The following SEMA3A variants were observed in gnomAD, a reference collection of about 807,000 sequenced individuals.
SEMA3A encodes the protein semaphorin-3A.
SEMA3A carries 29 observed loss-of-function variants against 97.9 expected under a neutral mutation model. That is an observed-to-expected ratio of 0.30 (90% CI 0.22 to 0.40). The LOEUF is 0.40. Among genes scored for constraint, SEMA3A ranks in the 10% least tolerant of loss-of-function variants. The probability of loss-of-function intolerance (pLI) is 1.00; values close to 1 mark genes in which losing one functional copy is unlikely to be tolerated. For synonymous variants in SEMA3A, 321 were observed against 323.7 expected (o/e 0.99, Z 0.09); for missense variants, 763 against 951.3 (o/e 0.80, Z 2.60).
At chr7:84,050,709 T>C (rs1792588831) in intron 5 of SEMA3A, among the ~76,000 whole-genome samples, 1 of 152,246 alleles carries the variant, frequency 6.6e-6, no homozygotes, top group Non-Finnish European at 1.5e-5. Context: ...AGCTCTTTAG[T>C]TTAATTAGAT....
At chr7:84,486,782 A>C (rs987807774) in intron 1 of SEMA3A, among the ~76,000 whole-genome samples, 1 of 152,178 alleles carries the variant, frequency 6.6e-6, no homozygotes, top group African/African-American at 2.4e-5. Flanking sequence ...TCGCATAGTT[A>C]ATAGCATTTA....
At chr7:84,331,002 T>C (rs1411072765) in intron 2 of SEMA3A, among the ~76,000 whole-genome samples, 2 of 152,150 alleles carry the variant, frequency 1.3e-5, no homozygotes, top group African/African-American at 4.8e-5. Context: ...TTAGGTTTTA[T>C]AGATCAAAGT....
At chr7:84,166,569 CAA>C (rs34318470) in intron 1 of SEMA3A, among the ~76,000 whole-genome samples, 1,855 of 133,246 alleles carry the variant, frequency 0.014, 33 homozygotes, top group African/African-American at 0.037. Flanking sequence ...AAAACTCCGT[CAA>C]AAAAAAAAAA....
intron 3 of SEMA3A, among the ~76,000 whole-genome samples, chr7:84,297,244 T>G (rs1800895420): frequency 6.6e-6 from 1 of 152,324 alleles, no homozygotes; most frequent in African/African-American, 2.4e-5. Context: ...CCCAAAGTTC[T>G]GGGATTACAG....
chr7:84,274,260 T>C (rs1423105141), intron 3 of SEMA3A, among the ~76,000 whole-genome samples: 1 of 152,122 alleles, frequency 6.6e-6, no homozygotes, highest in Non-Finnish European at 1.5e-5. Flanking sequence ...CAGGCCACTC[T>C]AACTTGACTT....
At chr7:84,134,393 G>A (rs1316254316) in intron 2 of SEMA3A, among the ~76,000 whole-genome samples, 1 of 152,156 alleles carries the variant, frequency 6.6e-6, no homozygotes, top group Non-Finnish European at 1.5e-5. Context: ...TGCCAAATTA[G>A]GCATGTGGGT....
intron 1 of SEMA3A, among the ~76,000 whole-genome samples, chr7:84,464,573 C>T (rs1208797135): frequency 6.6e-6 from 1 of 152,182 alleles, no homozygotes; most frequent in Non-Finnish European, 1.5e-5. Context: ...GCAAGAAATA[C>T]ATCACTTGGA....
At chr7:84,396,062 A>C (rs1385196237) in intron 1 of SEMA3A, among the ~76,000 whole-genome samples, 4 of 152,116 alleles carry the variant, frequency 2.6e-5, no homozygotes, top group African/African-American at 4.8e-5. Context: ...TAAAAATATC[A>C]AATACTGGTT....
chr7:83,971,177 C>A (rs1007962409), intron 15 of SEMA3A, among the ~76,000 whole-genome samples: 5 of 152,190 alleles, frequency 3.3e-5, no homozygotes, highest in African/African-American at 1.2e-4. Flanking sequence ...GTAACTCCAG[C>A]ACTTTGGGAG....
At chr7:84,214,041 T>G (rs1434613313) in intron 3 of SEMA3A, among the ~76,000 whole-genome samples, 1 of 152,234 alleles carries the variant, frequency 6.6e-6, no homozygotes, top group Non-Finnish European at 1.5e-5. Context: ...TGTTTCTCAT[T>G]GTACCTTAAG....
chr7:84,205,612 T>C, intron 3 of SEMA3A, among the ~76,000 whole-genome samples: 1 of 152,306 alleles, frequency 6.6e-6, no homozygotes, highest in East Asian at 1.9e-4. Context: ...AGTATAAAGT[T>C]AAGCATGAAA....
intron 2 of SEMA3A, among the ~76,000 whole-genome samples, chr7:84,310,641 G>A (rs1358809757): frequency 3.3e-5 from 5 of 151,956 alleles, no homozygotes; most frequent in African/African-American, 4.8e-5. Context: ...TTACGGGGCC[G>A]TACTAAGAAC....
At chr7:84,290,320 G>A (rs1334045454) in intron 3 of SEMA3A, among the ~76,000 whole-genome samples, 1 of 151,968 alleles carries the variant, frequency 6.6e-6, no homozygotes, top group Non-Finnish European at 1.5e-5. Flanking sequence ...TGTGTCCTTG[G>A]CTCATCTAGA....
At chr7:84,172,480 T>C (rs182189257) in intron 1 of SEMA3A, among the ~76,000 whole-genome samples, 168 of 152,274 alleles carry the variant, frequency 1.1e-3, no homozygotes, top group Middle Eastern at 0.01. Flanking sequence ...TGGAGTGCAG[T>C]GGGCTATCTA....
chr7:84,471,126 T>C (rs1806135008), intron 1 of SEMA3A, among the ~76,000 whole-genome samples: 1 of 152,106 alleles, frequency 6.6e-6, no homozygotes, highest in African/African-American at 2.4e-5. Context: ...TTTTGAAGCC[T>C]ATTAAACACA....
Position 84,194,695 on chromosome 7 carries a change from G to C in SEMA3A, c.-109C>G. ...TGGAGGTAACAGGTGATTTAGGTCAGTTTCATTCATAAATGCAGACAATCA... is the reference window on the plus strand; with the variant it reads ...TGGAGGTAACAGGTGATTTAGGTCACTTTCATTCATAAATGCAGACAATCA... On this transcript the variant is annotated 5_prime_UTR_variant, in exon 1 of 17. Coordinates refer to ENST00000265362, the MANE Select transcript of SEMA3A (RefSeq NM_006080.3). 1 of 670,384 alleles carries C rather than the reference G, an allele frequency of 1.5e-6. No individual in the cohort carries two copies. The highest frequency in any genetic ancestry group is 1.8e-5 in the South Asian group (1 of 55,644). 41.5% of individuals were successfully genotyped at this position (670,384 alleles called of 1,614,324 possible).
intron 12 of SEMA3A, among the ~76,000 whole-genome samples, chr7:83,995,422 A>C (rs1463290700): frequency 6.6e-6 from 1 of 152,186 alleles, no homozygotes; most frequent in Non-Finnish European, 1.5e-5. Flanking sequence ...TGTCATATTA[A>C]GATTTTAATA....
chr7:84,233,827 T>C (rs151055379), intron 3 of SEMA3A, among the ~76,000 whole-genome samples: 34 of 152,122 alleles, frequency 2.2e-4, no homozygotes, highest in African/African-American at 8.2e-4. Flanking sequence ...AATTTTGCCA[T>C]GCAAAGATGT....
upstream of SEMA3A, chr7:84,195,545 CA>C (rs1221543453): frequency 6.6e-6 from 1 of 152,006 alleles, no homozygotes; most frequent in Non-Finnish European, 1.5e-5. Flanking sequence ...TGGGCTCAAC[CA>C]CCCCCTTCCT....
Sources: gnomAD v4.1 joint callset for allele counts (sites outside exome capture counted in the v4.1 genomes callset) on GRCh38, gnomAD v4.1.1 for gene constraint, MANE v1.5 for transcripts, NCBI Gene and HGNC (gene_info 2026-07-23, HGNC 2026-07-21) for gene names.